The following CAPS2 variants were observed in gnomAD, a reference collection of about 807,000 sequenced individuals.
The protein encoded by CAPS2 is calcyphosine 2.
A neutral mutation model predicts 86.5 loss-of-function variants in CAPS2; 98 were observed. The ratio of observed to expected loss-of-function variants is 1.13; its 90% CI spans 0.96 to 1.34. The LOEUF is 1.34. CAPS2 is among the 40% of genes most tolerant of loss of function. The pLI, the probability that CAPS2 is intolerant of heterozygous loss-of-function variation, is 0.00. For missense variants in CAPS2, 729 were observed against 686.8 expected (o/e 1.06, Z -0.69); for synonymous variants, 210 against 225.1 (o/e 0.93, Z 0.60).
chr12:75,309,697 A>G (rs1440638617), intron 7 of CAPS2, among the ~76,000 whole-genome samples: 1 of 152,222 alleles, frequency 6.6e-6, no homozygotes, highest in Non-Finnish European at 1.5e-5. Flanking sequence ...AGCTTTAGTC[A>G]TCTCTACCAT....
chr12:75,385,795 T>C (rs2045260175), intron 1 of CAPS2, among the ~76,000 whole-genome samples: 1 of 152,198 alleles, frequency 6.6e-6, no homozygotes, highest in Non-Finnish European at 1.5e-5. Flanking sequence ...TTTAAATTGC[T>C]TTCCTATATA....
intron 11 of CAPS2, among the ~76,000 whole-genome samples, chr12:75,297,501 A>G (rs962603754): frequency 1.3e-5 from 2 of 152,146 alleles, no homozygotes; most frequent in Non-Finnish European, 2.9e-5. Context: ...TCTCTCTCCT[A>G]GATTAATATA....
chr12:75,309,420 C>T (rs771349708), intron 7 of CAPS2, among the ~76,000 whole-genome samples: 11 of 152,216 alleles, frequency 7.2e-5, no homozygotes, highest in Admixed American at 5.9e-4. Context: ...TTACTTTCCT[C>T]CTTAACCAGG....
chr12:75,299,007 A>G, intron 9 of CAPS2, 41 bp from the exon 10 acceptor site: 1 of 1,302,356 alleles, frequency 7.7e-7, no homozygotes, highest in Non-Finnish European at 1.1e-6. Flanking sequence ...CAAATAGAAT[A>G]ATTTTTAGAT....
chr12:75,344,376 T>G (rs1000951204), intron 1 of CAPS2, among the ~76,000 whole-genome samples: 1 of 152,158 alleles, frequency 6.6e-6, no homozygotes, highest in African/African-American at 2.4e-5. Context: ...ATCTTTAAGT[T>G]TGCTAATCTA....
At chr12:75,331,256 TG>T, upstream of CAPS2, among the ~76,000 whole-genome samples, 1 of 152,358 alleles carries the variant, frequency 6.6e-6, no homozygotes. Context: ...TAAGAGTTTA[TG>T]AAAGTTAATC....
chr12:75,278,817 T>C, exon 17 of CAPS2: 4 of 1,351,910 alleles, frequency 3.0e-6, no homozygotes, highest in Non-Finnish European at 3.8e-6. Context: ...ATTCCAGTGT[T>C]TGATCATCCT....
intron 11 of CAPS2, chr12:75,294,951 A>ATATCAAAGAGCCAGATGGCTGATACT (rs1338627253): frequency 6.6e-6 from 1 of 152,326 alleles, no homozygotes; most frequent in African/African-American, 2.4e-5. Context: ...TGATACTTAA[A>ATATCAAAGAGCCAGATGGCTGATACT]TAACCTCCTC....
intron 1 of CAPS2, among the ~76,000 whole-genome samples, chr12:75,346,316 T>C (rs1319785559): frequency 1.3e-5 from 2 of 152,244 alleles, no homozygotes; most frequent in Admixed American, 1.3e-4. Context: ...CCTTATCTCA[T>C]TTCATTAAGT....
chr12:75,304,970 C>T (rs1189816875), intron 7 of CAPS2, 94 bp from the exon 8 acceptor site: 1 of 1,013,012 alleles, frequency 9.9e-7, no homozygotes, highest in East Asian at 2.7e-5. Context: ...GCTCATATAC[C>T]AAATGCAAAT....
chr12:75,386,270 C>T (rs916003279), intron 1 of CAPS2, among the ~76,000 whole-genome samples: 2 of 152,102 alleles, frequency 1.3e-5, no homozygotes, highest in East Asian at 1.9e-4. Context: ...TATAAGGGTA[C>T]GTGTCTCAGT....
In CAPS2 at chr12:75,306,883, C is replaced by T. The variant is rs189336808; in HGVS notation, c.660-2007G>A. 2.2e-3 allele frequency among the ~76,000 whole-genome samples: 329 copies of T among 152,156 alleles called. 2 individuals carry two copies. The highest frequency in any genetic ancestry group is 6.0e-3 in the African/African-American group (251 of 41,498). On this transcript the variant is annotated intron_variant, in intron 7 of 16. Coordinates refer to ENST00000393284, the Ensembl canonical transcript of CAPS2. ...ACTTTACTAAACACATTTTCAACCC[C>T]ACCAGGAGTCAATGTTAAAGTAAAC...
chr12:75,321,355 T>G (rs2040277532), intron 5 of CAPS2, 45 bp downstream of exon 5: 1 of 1,263,092 alleles, frequency 7.9e-7, no homozygotes, highest in Non-Finnish European at 1.1e-6. Flanking sequence ...ATATGTGCAG[T>G]TTTCTTTAAA....
intron 1 of CAPS2, chr12:75,363,123 TC>T (rs1418730880): frequency 6.4e-7 from 1 of 1,559,050 alleles, no homozygotes; most frequent in Non-Finnish European, 8.6e-7. Context: ...CAAATATGCC[TC>T]CTTACGTAAG....
At chr12:75,298,000 A>G (rs1019339366) in intron 11 of CAPS2, among the ~76,000 whole-genome samples, 5 of 152,148 alleles carry the variant, frequency 3.3e-5, no homozygotes, top group Non-Finnish European at 7.3e-5. Context: ...TGTGTCTCCT[A>G]TTAGACTGCC....
At chr12:75,379,853 TAA>T (rs35309353) in intron 1 of CAPS2, among the ~76,000 whole-genome samples, 16,153 of 111,802 alleles carry the variant, frequency 0.14, 1,048 homozygotes, top group Middle Eastern at 0.19. Flanking sequence ...TCCCTATCAG[TAA>T]AAAAAAAAAA....
At chr12:75,360,483 T>A (rs2043499877) in intron 1 of CAPS2, 1 of 152,154 alleles carries the variant, frequency 6.6e-6, no homozygotes, top group African/African-American at 2.4e-5. Flanking sequence ...AAAGGGGCTA[T>A]AGGCCCTGCA....
chr12:75,323,085 G>T, exon 4 of CAPS2: 1 of 1,540,888 alleles, frequency 6.5e-7, no homozygotes, highest in Non-Finnish European at 8.8e-7. Context: ...ATGAAAAATT[G>T]TCCTAAAAAA....
chr12:75,334,704 T>C (rs1306570923), upstream of CAPS2: 1 of 1,602,684 alleles, frequency 6.2e-7, no homozygotes, highest in East Asian at 2.2e-5. Context: ...AGTCAGGGCA[T>C]CCTCCGCATC....
Sources: allele counts gnomAD v4.1 joint callset (sites outside exome capture counted in the v4.1 genomes callset), GRCh38; gene constraint gnomAD v4.1.1; transcripts MANE v1.5; gene names NCBI Gene and HGNC (gene_info 2026-07-23, HGNC 2026-07-21).